The following LIMK1 variants were observed in gnomAD, a reference collection of about 807,000 sequenced individuals.
LIMK1 encodes LIM motif-containing protein kinase.
LIMK1 carries 21 observed loss-of-function variants against 77.6 expected under a neutral mutation model. The ratio of observed to expected loss-of-function variants is 0.27; its 90% CI spans 0.19 to 0.39. The LOEUF is 0.39. LIMK1 is among the 10% of genes least tolerant of loss of function. LIMK1 has a pLI of 1.00. For missense variants in LIMK1, 696 were observed against 901.6 expected (o/e 0.77, Z 2.92); for synonymous variants, 358 against 370.0 (o/e 0.97, Z 0.37).
At chr7:74,098,776 G>A (rs58406437) in intron 4 of LIMK1, among the ~76,000 whole-genome samples, 18,834 of 151,992 alleles carry the variant, frequency 0.12, 2,381 homozygotes, top group African/African-American at 0.32. Flanking sequence ...CCCAGGAGGC[G>A]GAGGTTACAG....
At chr7:74,095,968 C>CTT (rs869065672) in intron 2 of LIMK1, among the ~76,000 whole-genome samples, 5 of 127,194 alleles carry the variant, frequency 3.9e-5, no homozygotes, top group East Asian at 2.2e-4. Flanking sequence ...TTTTCTTTTT[C>CTT]TTTTTTTTTT....
intron 5 of LIMK1, among the ~76,000 whole-genome samples, chr7:74,103,935 C>T (rs185701729): frequency 2.6e-5 from 4 of 152,152 alleles, no homozygotes; most frequent in Admixed American, 2.0e-4. Context: ...GCTGGGACTA[C>T]AGGCAGCACC....
chr7:74,083,921 C>CGGTG lies in LIMK1; in HGVS notation c.-67_-64dup, dbSNP rs1268049734. ...CGCCCCCGCCTCCCCGGGCCGGCGG[C>CGGTG]GGTGGGCGAGCTCGCGGGCCCGGCC... On this transcript the variant is annotated 5_prime_UTR_variant, in exon 1 of 16. Transcript: ENST00000336180. The CGGTG allele has an allele frequency of 3.2e-6, 1 of 309,616 alleles. No individual in the cohort carries two copies. The highest frequency in any genetic ancestry group is 5.0e-6 in the Non-Finnish European group (1 of 202,002). The allele number at this position is 309,616 out of a possible 1,614,324, so 19.2% of individuals were successfully genotyped here. A position where few individuals can be genotyped will look rare whatever the true frequency, so the allele number is the denominator to read the frequency against.
At position 74,121,700 on chromosome 7, in the gene LIMK1, G is replaced by GC. The variant is rs1227447889; in HGVS notation, c.*403dup. The GC allele has an allele frequency of 1.0e-5, 2 of 191,774 alleles. No individual in the cohort carries two copies. Among genetic ancestry groups the GC allele is most frequent in the African/African-American group, 2.3e-5 (1 of 42,840 alleles). The allele number at this position is 191,774 out of a possible 1,614,324, so 11.9% of individuals were successfully genotyped here. A position where few individuals can be genotyped will look rare whatever the true frequency, so the allele number is the denominator to read the frequency against. ...GGCCAGGAGGCAGCCTCCGAACCAT[G>GC]CCCCATATAACGCTTGGGTGCGTGG... On this transcript the variant is annotated 3_prime_UTR_variant, in exon 16 of 16. Transcript: ENST00000336180.
At chr7:74,101,378 A>G (rs1799455838) in intron 5 of LIMK1, among the ~76,000 whole-genome samples, 1 of 152,226 alleles carries the variant, frequency 6.6e-6, no homozygotes, top group Admixed American at 6.6e-5. Flanking sequence ...GCAGCGGCTC[A>G]TGCCTGTTAT....
In LIMK1 at chr7:74,105,972, C is replaced by G. The variant is rs781935606; in HGVS notation, c.706C>G (p.Leu236Val). The change falls in exon 6 of 16, where the codon CTG becomes GTG. Residue 236 changes from leucine to valine, a missense_variant. By Grantham distance (32) the Leu-to-Val change is conservative. Around this residue, in one of 3 missense-constraint regions of LIMK1, gnomAD observed 438 missense variants for 602.3 expected, o/e 0.73. Transcript: ENST00000336180. ...TGGCACGCCCATCCGAAATGTGCCCCTGGACGAGGTACGGTCCTGAGTCTG... is the reference window on the plus strand; with the variant it reads ...TGGCACGCCCATCCGAAATGTGCCCGTGGACGAGGTACGGTCCTGAGTCTG... ...INGTPIRNVP[L>V]DEIDLLIQET... 2.5e-6 allele frequency: 4 copies of G among 1,614,104 alleles called. No homozygotes were observed. The East Asian group carries it at 8.9e-5, about 36-fold the overall frequency.
At chr7:74,109,334 T>C in intron 10 of LIMK1, 1 of 383,640 alleles carries the variant, frequency 2.6e-6, no homozygotes, top group Non-Finnish European at 5.0e-6. Flanking sequence ...CACTCCAGCC[T>C]GGACCACACA....
intron 10 of LIMK1, chr7:74,110,011 G>A (rs1554698397): frequency 6.6e-6 from 1 of 152,112 alleles, no homozygotes; most frequent in African/African-American, 2.4e-5. Context: ...CTCCTGCTAG[G>A]TGTAACTTGA....
At chr7:74,105,080 A>G (rs570822044) in intron 5 of LIMK1, among the ~76,000 whole-genome samples, 1 of 152,246 alleles carries the variant, frequency 6.6e-6, no homozygotes, top group African/African-American at 2.4e-5. Flanking sequence ...CAGCCTCCCA[A>G]GTAGCTAGGA....
Position 74,120,919 on chromosome 7 carries a change from G to C in LIMK1, c.1651G>C (p.Asp551His), listed in dbSNP as rs782083575. The change falls in exon 15 of 16, where the codon GAC (aspartate) becomes CAC (histidine). Residue 551 changes from aspartate to histidine, a missense_variant. By Grantham distance (81) the Asp-to-His change is moderately conservative. Around this residue, in one of 3 missense-constraint regions of LIMK1, gnomAD observed 438 missense variants for 602.3 expected, o/e 0.73. Coordinates refer to ENST00000336180, the MANE Select transcript of LIMK1 (RefSeq NM_002314.4). ...EIIGRVNADPDYLPRTMDFGL... is the reference protein window; with the variant it reads ...EIIGRVNADPHYLPRTMDFGL... ...CATCGGGCGGGTGAACGCAGACCCT[G>C]ACTACCTGCCCCGCACCATGGACTT... The C allele has an allele frequency of 6.2e-7, 1 of 1,614,154 alleles. No homozygotes were observed. The highest frequency in any genetic ancestry group is 8.5e-7 in the Non-Finnish European group (1 of 1,180,010).
At chr7:74,084,104 G>A (rs916277822) in intron 1 of LIMK1, 59 bp downstream of exon 1, 55 of 989,124 alleles carry the variant, frequency 5.6e-5, no homozygotes, top group Non-Finnish European at 7.5e-5. Context: ...GGCAGCGTGG[G>A]GCACGGGAGG....
At chr7:74,114,434 C>T (rs1197857377) in intron 12 of LIMK1, among the ~76,000 whole-genome samples, 3 of 151,452 alleles carry the variant, frequency 2.0e-5, no homozygotes, top group Admixed American at 1.3e-4. Flanking sequence ...ATCTATAGTA[C>T]CAGCTACTCA....
rs1221064853 is a variant in LIMK1, at chr7:74,084,056, C to T, written c.55+11C>T. 2.0e-6 allele frequency: 3 copies of T among 1,474,514 alleles called. No homozygotes were observed. The highest frequency in any genetic ancestry group is 2.9e-5 in the East Asian group (1 of 34,928). The allele number at this position is 1,474,514 out of a possible 1,614,324, so 91.3% of individuals were successfully genotyped here. ...GTATGGGAGAGGAAGGTGCGCGGGC[C>T]GCGGGGTGTGGGGCGAGGGCCTGGA... On this transcript the variant is annotated intron_variant, in intron 1 of 15. Coordinates refer to ENST00000336180, the MANE Select transcript of LIMK1 (RefSeq NM_002314.4).
rs781956388 is a variant in LIMK1, at chr7:74,107,123, G to A, written c.995G>A (p.Arg332His). 9 of 1,612,594 alleles carry A rather than the reference G, an allele frequency of 5.6e-6. No homozygotes were observed. The African/African-American group carries it at 8.0e-5, about 14-fold the overall frequency. The change falls in exon 8 of 16, where the codon CGC becomes CAC. Residue 332 changes from arginine to histidine, a missense_variant. By Grantham distance (29) the Arg-to-His change is conservative. Transcript: ENST00000336180. ...CTCCGCGTAGTCTGCCGGCCACACC[G>A]CATCTTCCGGCCGTCGGACCTCATC... is the stretch of plus-strand genomic sequence containing the variant. ...ESLRVVCRPHRIFRPSDLIHG... is the reference protein window; with the variant it reads ...ESLRVVCRPHHIFRPSDLIHG...
At chr7:74,089,761 G>T (rs1262776418) in intron 2 of LIMK1, among the ~76,000 whole-genome samples, 1 of 152,096 alleles carries the variant, frequency 6.6e-6, no homozygotes, top group Admixed American at 6.6e-5. Context: ...GAGTCCAGTT[G>T]GAGGTAGGAA....
In LIMK1 at chr7:74,122,337, G is replaced by A. The variant is rs1355826036; in HGVS notation, c.*1036G>A. The A allele has an allele frequency of 6.6e-6, 1 of 152,270 alleles. No individual in the cohort carries two copies. Among genetic ancestry groups the A allele is most frequent in the Admixed American group, 6.6e-5 (1 of 15,228 alleles). The allele number at this position is 152,270 out of a possible 1,614,324, so 9.4% of individuals were successfully genotyped here. A position where few individuals can be genotyped will look rare whatever the true frequency, so the allele number is the denominator to read the frequency against. On this transcript the variant is annotated 3_prime_UTR_variant, in exon 16 of 16. Coordinates refer to ENST00000336180, the MANE Select transcript of LIMK1 (RefSeq NM_002314.4). Reference sequence around the variant, plus strand: ...GCCATTTTGTCACTTTGCCTCAGTTGAGCATCTAGGAAGTATTAAAACTGT... The same window carrying A: ...GCCATTTTGTCACTTTGCCTCAGTTAAGCATCTAGGAAGTATTAAAACTGT...
Position 74,121,397 on chromosome 7 carries a change from AC to A in LIMK1, c.*99del. 1 of 1,249,446 alleles carries A rather than the reference AC, an allele frequency of 8.0e-7. No homozygotes were observed. The highest frequency in any genetic ancestry group is 1.1e-6 in the Non-Finnish European group (1 of 923,616). 77.4% of individuals were successfully genotyped at this position (1,249,446 alleles called of 1,614,324 possible). A position where few individuals can be genotyped will look rare whatever the true frequency, so the allele number is the denominator to read the frequency against. ...GTGGCCCTCAGCTGGGACAGTGGGG[AC>A]CCAGGCTTCTCCTCAGAGCCAGGCC... On this transcript the variant is annotated 3_prime_UTR_variant, in exon 16 of 16. Coordinates refer to ENST00000336180, the MANE Select transcript of LIMK1 (RefSeq NM_002314.4).
chr7:74,107,555 T>A (rs562724058), intron 8 of LIMK1, among the ~76,000 whole-genome samples: 10 of 152,118 alleles, frequency 6.6e-5, no homozygotes, highest in East Asian at 3.9e-4. Context: ...TAGTGGTGCA[T>A]GCCTGTGGTC....
At chr7:74,093,591 G>A (rs1453510718) in intron 2 of LIMK1, among the ~76,000 whole-genome samples, 2 of 152,274 alleles carry the variant, frequency 1.3e-5, no homozygotes, top group African/African-American at 2.4e-5. Flanking sequence ...GGAAGCCACC[G>A]CTGTCTCCCA....
Sources: gnomAD v4.1 joint callset for allele counts (sites outside exome capture counted in the v4.1 genomes callset) on GRCh38, gnomAD v4.1.1 for gene constraint, gnomAD v4.1.1 regional missense constraint, MANE v1.5 for transcripts, NCBI Gene and HGNC (gene_info 2026-07-23, HGNC 2026-07-21) for gene names.